Variants in EGLN3 observed in about 807,000 individuals in gnomAD.
EGLN3 encodes prolyl hydroxylase EGLN3.
A neutral mutation model predicts 26.0 loss-of-function variants in EGLN3; 15 were observed. The observed-to-expected ratio is 0.58, with a 90% CI of 0.39 to 0.89. EGLN3 has a LOEUF of 0.89. Ranked by LOEUF, EGLN3 falls within the 40% of genes least tolerant of loss-of-function variation. The pLI is 0.00. For missense variants in EGLN3, 238 were observed against 311.6 expected, an observed-to-expected ratio of 0.76 and a Z score of 1.78; for synonymous variants, 147 against 127.2, an observed-to-expected ratio of 1.16 and a Z score of -1.05.
At chr14:33,933,360 T>C (rs2064417918) in intron 1 of EGLN3, among the ~76,000 whole-genome samples, 1 of 148,346 alleles carries the variant, frequency 6.7e-6, no homozygotes, top group African/African-American at 2.5e-5. Flanking sequence ...GTAAATCCTC[T>C]ACCAAATGCC....
At chr14:33,936,241 A>ATAAATAAATAAATAAATAAG (rs2064442097) in intron 1 of EGLN3, among the ~76,000 whole-genome samples, 1 of 152,058 alleles carries the variant, frequency 6.6e-6, no homozygotes, top group East Asian at 1.9e-4. Flanking sequence ...AAAAATATAA[A>ATAAATAAATAAATAAATAAG]TAAATAAATA....
chr14:33,938,287 T>G (rs1362310508), intron 1 of EGLN3, among the ~76,000 whole-genome samples: 1 of 152,170 alleles, frequency 6.6e-6, no homozygotes, highest in African/African-American at 2.4e-5. Flanking sequence ...GGCCAGGAAT[T>G]TAAGAGACTA....
chr14:33,935,430 C>G (rs1421515402), intron 1 of EGLN3, among the ~76,000 whole-genome samples: 1 of 152,108 alleles, frequency 6.6e-6, no homozygotes, highest in African/African-American at 2.4e-5. Flanking sequence ...AGTCAGAACT[C>G]TGGTGTGTGT....
intron 1 of EGLN3, among the ~76,000 whole-genome samples, chr14:33,934,758 C>T (rs2138816464): frequency 6.6e-6 from 1 of 152,266 alleles, no homozygotes; most frequent in African/African-American, 2.4e-5. Flanking sequence ...TTTTACATTG[C>T]TCATGATTTG....
Position 33,929,156 on chromosome 14 carries a change from C to T in EGLN3, c.534G>A (p.Val178=), listed in dbSNP as rs1218660493. Reference sequence around the variant, plus strand: ...ACAGGAGTCTGTCAAAAATGGGCTCCACATCTGCTATGAATGATTTCCCCT... The same window carrying T: ...ACAGGAGTCTGTCAAAAATGGGCTCTACATCTGCTATGAATGATTTCCCCT... ...FPEGKSFIAD[V]EPIFDRLLFF... is the part of the protein sequence containing the mutation. Residue 178 remains valine, a synonymous_variant, in exon 3 of 5, where the codon GTG becomes GTA. Coordinates refer to ENST00000250457, the MANE Select transcript of EGLN3 (RefSeq NM_022073.4). 6.2e-7 allele frequency: 1 copy of T among 1,614,092 alleles called. No homozygotes were observed. The highest frequency in any genetic ancestry group is 8.5e-7 in the Non-Finnish European group (1 of 1,180,036).
intron 1 of EGLN3, among the ~76,000 whole-genome samples, chr14:33,933,862 T>A (rs2064421511): frequency 6.6e-6 from 1 of 152,144 alleles, no homozygotes; most frequent in Non-Finnish European, 1.5e-5. Context: ...GGATTTAGTG[T>A]TTAACAGAAG....
rs150486042 is a variant in EGLN3, at chr14:33,935,863, C to G, written c.358-4648G>C. Among the ~76,000 whole-genome samples the G allele has an allele frequency of 3.6e-3, 546 of 152,250 alleles. 14 individuals carry two copies. The highest frequency in any genetic ancestry group is 0.029 in the Admixed American group (440 of 15,272). On this transcript the variant is annotated intron_variant, in intron 1 of 4. Coordinates refer to ENST00000250457, the MANE Select transcript of EGLN3 (RefSeq NM_022073.4). Reference sequence around the variant, plus strand: ...CCCATGTCCACCCAGTACAGAGCAACAGAGGCCCAGGATCCTTCCCTTCTC... The same window carrying G: ...CCCATGTCCACCCAGTACAGAGCAAGAGAGGCCCAGGATCCTTCCCTTCTC...
rs2064347091 is a variant in EGLN3 at position 33,924,529 on chromosome 14, T to C, written c.*1362A>G. On this transcript the variant is annotated 3_prime_UTR_variant, in exon 5 of 5. Coordinates refer to ENST00000250457, the MANE Select transcript of EGLN3 (RefSeq NM_022073.4). ...GAAGAGGAAAAAGTAAACTTCTATC[T>C]TGGAAGACTATATATATATATATCC... 7.1e-6 allele frequency: 1 copy of C among 139,886 alleles called. No individual in the cohort carries two copies. The highest frequency in any genetic ancestry group is 1.6e-5 in the Non-Finnish European group (1 of 63,236). The allele number at this position is 139,886 out of a possible 1,614,324, so 8.7% of individuals were successfully genotyped here.
intron 1 of EGLN3, among the ~76,000 whole-genome samples, chr14:33,938,845 A>C (rs77528058): frequency 6.6e-6 from 1 of 152,232 alleles, no homozygotes; most frequent in Non-Finnish European, 1.5e-5. Flanking sequence ...CACCGCTCCA[A>C]GTCCTTGGTA....
chr14:33,937,735 C>T lies in EGLN3; in HGVS notation c.358-6520G>A, dbSNP rs193099547. 2.8e-4 allele frequency among the ~76,000 whole-genome samples: 42 copies of T among 152,350 alleles called. 1 individual carries two copies. Among genetic ancestry groups the T allele is most frequent in the Admixed American group, 2.5e-3 (38 of 15,302 alleles). ...AAAATAATTCCTCTCGCAGAACCTACTTACCCAGAACACTGCTACACATGA... is the reference window on the plus strand; with the variant it reads ...AAAATAATTCCTCTCGCAGAACCTATTTACCCAGAACACTGCTACACATGA... On this transcript the variant is annotated intron_variant, in intron 1 of 4. Transcript: ENST00000250457.
intron 1 of EGLN3, among the ~76,000 whole-genome samples, chr14:33,944,092 C>CG (rs2064501489): frequency 6.6e-6 from 1 of 152,080 alleles, no homozygotes; most frequent in Non-Finnish European, 1.5e-5. Flanking sequence ...ACCCAGCCAG[C>CG]GTAGCCCCTT....
Position 33,931,154 on chromosome 14 carries a change from T to C in EGLN3, c.419A>G (p.Asn140Ser), listed in dbSNP as rs1442836129. The change falls in exon 2 of 5, where the codon AAC (asparagine) becomes AGC (serine). Residue 140 changes from asparagine (N) to serine (S), a missense_variant. Asn to Ser is a conservative substitution (Grantham distance 46, BLOSUM62 1). Transcript: ENST00000250457. The part of the protein sequence containing the change: ...TGYVRHVDNP[N>S]GDGRCITCIY... ...GCAGGTGATGCAGCGACCATCACCG[T>C]TGGGGTTGTCCACGTGGCGAACATA... 3 of 1,614,156 alleles carry C rather than the reference T, an allele frequency of 1.9e-6. No homozygotes were observed. Among genetic ancestry groups the C allele is most frequent in the East Asian group, 2.2e-5 (1 of 44,872 alleles).
chr14:33,947,595 A>AT (rs2064526809), intron 1 of EGLN3, among the ~76,000 whole-genome samples: 3 of 152,216 alleles, frequency 2.0e-5, no homozygotes, highest in Non-Finnish European at 4.4e-5. Flanking sequence ...AATTTGGGTA[A>AT]GTGCATGAAT....
intron 1 of EGLN3, chr14:33,948,900 T>A (rs1217339337): frequency 2.0e-5 from 3 of 151,872 alleles, no homozygotes; most frequent in Non-Finnish European, 4.4e-5. Flanking sequence ...ACCCTTCCCC[T>A]CCCCGACACA....
chr14:33,949,371 A>T (rs1375928442), intron 1 of EGLN3: 1 of 152,260 alleles, frequency 6.6e-6, no homozygotes, highest in Non-Finnish European at 1.5e-5. Flanking sequence ...AAAGAGTGGT[A>T]CATAGGTGAG....
At chr14:33,940,382 TG>T (rs964210775) in intron 1 of EGLN3, among the ~76,000 whole-genome samples, 4 of 152,102 alleles carry the variant, frequency 2.6e-5, no homozygotes, top group South Asian at 2.1e-4. Flanking sequence ...AATCGTTTTT[TG>T]TTTTTTTTTT....
intron 4 of EGLN3, 26 bp downstream of exon 4, chr14:33,926,934 G>A: frequency 1.3e-6 from 2 of 1,553,370 alleles, no homozygotes; most frequent in Non-Finnish European, 1.8e-6. Flanking sequence ...TTGATCAAAA[G>A]TCACAGAAAA....
At chr14:33,942,265 T>C (rs1185389252) in intron 1 of EGLN3, among the ~76,000 whole-genome samples, 2 of 151,832 alleles carry the variant, frequency 1.3e-5, no homozygotes, top group African/African-American at 4.8e-5. Flanking sequence ...CTCAAGGATT[T>C]TTCTACTAAG....
intron 1 of EGLN3, among the ~76,000 whole-genome samples, chr14:33,946,506 G>A (rs2064519427): frequency 6.6e-6 from 1 of 152,162 alleles, no homozygotes; most frequent in Non-Finnish European, 1.5e-5. Flanking sequence ...AGTCAAGTGT[G>A]AATGAGACCA....
Sources: allele counts gnomAD v4.1 joint callset (sites outside exome capture counted in the v4.1 genomes callset), GRCh38; gene constraint gnomAD v4.1.1; transcripts MANE v1.5; gene names NCBI Gene and HGNC (gene_info 2026-07-23, HGNC 2026-07-21).